Variants in ZBTB34 observed in about 807,000 individuals in gnomAD.
ZBTB34 encodes the protein zinc finger and BTB domain-containing protein 34.
Under a neutral mutation model 33.4 loss-of-function variants are expected in ZBTB34, and 1 was observed. The observed-to-expected ratio is 0.03, with a 90% CI of 0.01 to 0.14. The LOEUF (loss-of-function observed/expected upper bound fraction) is 0.14, where lower values mean the gene tolerates loss of function less well. ZBTB34 is among the 10% of genes least tolerant of loss of function. The pLI, the probability that ZBTB34 is intolerant of heterozygous loss-of-function variation, is 1.00. For missense variants in ZBTB34, 406 were observed against 657.2 expected (o/e 0.62, Z 4.18); for synonymous variants, 283 against 253.5 (o/e 1.12, Z -1.11).
intron 1 of ZBTB34, among the ~76,000 whole-genome samples, chr9:126,878,586 A>G (rs1335121313): frequency 1.3e-5 from 2 of 152,200 alleles, no homozygotes; most frequent in African/African-American, 4.8e-5. Context: ...AAGGGCAAAC[A>G]CACAAATCAA....
At chr9:126,878,966 C>G (rs925892290) in intron 1 of ZBTB34, among the ~76,000 whole-genome samples, 1 of 152,020 alleles carries the variant, frequency 6.6e-6, no homozygotes, top group African/African-American at 2.4e-5. Context: ...TCAAGTGATC[C>G]GCCTCCCTCA....
At chr9:126,873,792 A>G (rs1382525280) in intron 1 of ZBTB34, among the ~76,000 whole-genome samples, 5 of 149,776 alleles carry the variant, frequency 3.3e-5, no homozygotes, top group Non-Finnish European at 7.4e-5. Context: ...TTTAGTAGAG[A>G]CAGGGTTGCA....
chr9:126,880,680 A>G lies in ZBTB34; in HGVS notation c.1281A>G (p.Thr427=). The G allele has an allele frequency of 5.0e-6, 8 of 1,613,878 alleles. No individual in the cohort carries two copies. Among genetic ancestry groups the G allele is most frequent in the Middle Eastern group, 1.6e-4 (1 of 6,062 alleles). Residue 427 remains threonine, a synonymous_variant, in exon 2 of 2, where the codon ACA becomes ACG. Coordinates refer to ENST00000319119, the Ensembl canonical transcript of ZBTB34. This position sits in a 1 kb window ranked among gnomAD's most constrained non-coding sequence, Gnocchi z 6.7. ...TGGAGTACCACATCCGGGGCCATAC[A>G]GATGATAAACCATTCCGCTGTGAGA...
At chr9:126,874,128 G>A (rs1213410178) in intron 1 of ZBTB34, among the ~76,000 whole-genome samples, 82 of 133,824 alleles carry the variant, frequency 6.1e-4, no homozygotes, top group African/African-American at 3.1e-4. Flanking sequence ...TGCAAGCTCC[G>A]TCCTCCAGGT....
intron 1 of ZBTB34, among the ~76,000 whole-genome samples, chr9:126,868,948 G>A (rs141570110): frequency 0.013 from 2,041 of 152,246 alleles, 20 homozygotes; most frequent in Non-Finnish European, 0.02. Context: ...AATATGGAGG[G>A]CATGATACAC....
At chr9:126,878,966 C>T (rs925892290) in intron 1 of ZBTB34, among the ~76,000 whole-genome samples, 2 of 152,020 alleles carry the variant, frequency 1.3e-5, no homozygotes, top group Admixed American at 6.6e-5. Flanking sequence ...TCAAGTGATC[C>T]GCCTCCCTCA....
At chr9:126,862,299 A>C (rs1361080583) in intron 1 of ZBTB34, among the ~76,000 whole-genome samples, 5 of 152,172 alleles carry the variant, frequency 3.3e-5, no homozygotes, top group African/African-American at 1.2e-4. Context: ...TAGTTCCTCA[A>C]CTCAAACACT....
intron 1 of ZBTB34, among the ~76,000 whole-genome samples, chr9:126,871,182 G>GTGTGTGTGT (rs1564222199): frequency 2.2e-3 from 268 of 122,450 alleles, no homozygotes; most frequent in African/African-American, 7.9e-3. Flanking sequence ...AAGTGAGGGG[G>GTGTGTGTGT]GTGTGTGTGT....
In ZBTB34 at chr9:126,879,643, A is replaced by G; in HGVS notation, c.244A>G (p.Asn82Asp). The change falls in exon 2 of 2, where the codon AAT (asparagine) becomes GAT (aspartate). Residue 82 changes from asparagine to aspartate, a missense_variant. Physicochemically the swap from Asn to Asp is conservative, Grantham distance 23. Around this residue, in one of 6 missense-constraint regions of ZBTB34, gnomAD observed 50 missense variants for 157.9 expected, o/e 0.32. Coordinates refer to ENST00000319119, the Ensembl canonical transcript of ZBTB34. The surrounding 1 kb of genome is among the most constrained non-coding windows in gnomAD (Gnocchi z 6.4). Reference sequence around the variant, plus strand: ...GTCAATATCAGTGATTAAAAATCCCAATGTGTTTGAGCAGTTGCTTTCTTT... The same window carrying G: ...GTCAATATCAGTGATTAAAAATCCCGATGTGTTTGAGCAGTTGCTTTCTTT... 2 of 1,613,690 alleles carry G rather than the reference A, an allele frequency of 1.2e-6. No individual in the cohort carries two copies. Among genetic ancestry groups the G allele is most frequent in the East Asian group, 4.5e-5 (2 of 44,884 alleles).
At chr9:126,871,852 A>C (rs2033283983) in intron 1 of ZBTB34, among the ~76,000 whole-genome samples, 1 of 152,144 alleles carries the variant, frequency 6.6e-6, no homozygotes, top group South Asian at 2.1e-4. Flanking sequence ...GCAGTGGCTC[A>C]TGTCTGTAAT....
intron 1 of ZBTB34, among the ~76,000 whole-genome samples, chr9:126,862,301 T>C (rs1225191305): frequency 1.3e-5 from 2 of 152,124 alleles, no homozygotes; most frequent in Non-Finnish European, 2.9e-5. Context: ...GTTCCTCAAC[T>C]CAAACACTAG....
At chr9:126,876,161 T>TCCCC (rs1564224289) in intron 1 of ZBTB34, among the ~76,000 whole-genome samples, 2 of 5,946 alleles carry the variant, frequency 3.4e-4, no homozygotes, top group African/African-American at 1.7e-3. Context: ...TTCCCTTCCG[T>TCCCC]CCTTCCCCCC....
chr9:126,881,491 G>A (rs1338606868), exon 2 of ZBTB34: 1 of 166,710 alleles, frequency 6.0e-6, no homozygotes, highest in Non-Finnish European at 1.5e-5. Flanking sequence ...GGGCTTCTGA[G>A]TCTATCTCAT....
At chr9:126,861,898 C>T (rs1343455344) in intron 1 of ZBTB34, among the ~76,000 whole-genome samples, 3 of 152,144 alleles carry the variant, frequency 2.0e-5, no homozygotes, top group Non-Finnish European at 4.4e-5. Context: ...GCCAAACTTA[C>T]TATAGGAAGT....
chr9:126,863,507 T>A (rs2033166455), intron 1 of ZBTB34, among the ~76,000 whole-genome samples: 1 of 152,244 alleles, frequency 6.6e-6, no homozygotes, highest in Non-Finnish European at 1.5e-5. Context: ...TACGTTTTAT[T>A]CCCGTTAATG....
intron 1 of ZBTB34, among the ~76,000 whole-genome samples, chr9:126,864,981 G>A (rs1271393728): frequency 1.3e-5 from 2 of 152,186 alleles, no homozygotes; most frequent in Non-Finnish European, 2.9e-5. Flanking sequence ...ACTGAAGCCA[G>A]CAGGTGCAAA....
chr9:126,879,463 G>A lies in ZBTB34; in HGVS notation c.64G>A (p.Val22Ile), dbSNP rs1295682409. Reference sequence around the variant, plus strand: ...TGATGTGCCCGAGTACAGCAGCACCGTTCTGAGCCAGCTAAACGAACTCCG... The same window carrying A: ...TGATGTGCCCGAGTACAGCAGCACCATTCTGAGCCAGCTAAACGAACTCCG... The change falls in exon 2 of 2, where the codon GTT (valine) becomes ATT (isoleucine). Residue 22 changes from valine to isoleucine, a missense_variant. By Grantham distance (29) the Val-to-Ile change is conservative. Transcript: ENST00000319119. This position sits in a 1 kb window ranked among gnomAD's most constrained non-coding sequence, Gnocchi z 6.4. 1.1e-5 allele frequency: 18 copies of A among 1,613,770 alleles called. No individual in the cohort carries two copies. The highest frequency in any genetic ancestry group is 4.5e-5 in the East Asian group (2 of 44,890).
exon 2 of ZBTB34, chr9:126,885,362 CTGTGAAT>C: frequency 6.0e-6 from 1 of 167,232 alleles, no homozygotes. Context: ...GACAAGTATG[CTGTGAAT>C]TCAACCTTTG....
At chr9:126,878,469 C>CA (rs958111935) in intron 1 of ZBTB34, among the ~76,000 whole-genome samples, 188 of 127,898 alleles carry the variant, frequency 1.5e-3, no homozygotes, top group East Asian at 4.0e-3. Context: ...GATTCTGTCT[C>CA]AAAAAAAAAA....
Sources: allele counts gnomAD v4.1 joint callset (sites outside exome capture counted in the v4.1 genomes callset), GRCh38; gene constraint gnomAD v4.1.1; regional missense constraint gnomAD v4.1.1; non-coding constraint Gnocchi (gnomAD v3.1); transcripts MANE v1.5; gene names NCBI Gene and HGNC (gene_info 2026-07-23, HGNC 2026-07-21).